Variants in HNRNPU observed in about 807,000 individuals in gnomAD.
HNRNPU encodes HNRNPU antisense RNA 1.
HNRNPU carries 5 observed loss-of-function variants against 94.7 expected under a neutral mutation model. The ratio of observed to expected loss-of-function variants is 0.05; its 90% CI spans 0.03 to 0.11. The LOEUF is 0.11. HNRNPU is among the 10% of genes least tolerant of loss of function. The pLI, the probability that HNRNPU is intolerant of heterozygous loss-of-function variation, is 1.00. For synonymous variants in HNRNPU, 434 were observed against 381.6 expected (o/e 1.14, Z -1.60); for missense variants, 710 against 1,049.2 (o/e 0.68, Z 4.47).
intron 5 of HNRNPU, 43 bp from the exon 6 acceptor site, chr1:244,858,884 G>T: frequency 1.1e-6 from 1 of 919,342 alleles, no homozygotes; most frequent in Non-Finnish European, 1.8e-6. Context: ...GTTTAAAATA[G>T]TCCAAAGACT....
chr1:244,854,443 T>C lies in HNRNPU; in HGVS notation c.*7A>G. 6.4e-7 allele frequency: 1 copy of C among 1,564,822 alleles called. No individual in the cohort carries two copies. Among genetic ancestry groups the C allele is most frequent in the Non-Finnish European group, 8.8e-7 (1 of 1,135,768 alleles). ...GAAATATGTATCAGTTCGTTTTATTTGGGTATTCAATAATATCCTTGGTGA... is the reference window on the plus strand; with the variant it reads ...GAAATATGTATCAGTTCGTTTTATTCGGGTATTCAATAATATCCTTGGTGA... On this transcript the variant is annotated 3_prime_UTR_variant, in exon 14 of 14. Transcript: ENST00000640218.
At position 244,855,262 on chromosome 1, in the gene HNRNPU, CA is replaced by C. The variant is rs1680647524; in HGVS notation, c.2352+161del. On this transcript the variant is annotated intron_variant, in intron 12 of 13. Transcript: ENST00000640218. ...CTTGTTTAGTACACCTGAAAAAACT[CA>C]AAAGTAAGTAGACTCATTTCACCAT... 6.2e-6 allele frequency: 5 copies of C among 800,934 alleles called. No homozygotes were observed. The Admixed American group carries it at 9.5e-5, about 15-fold the overall frequency. The allele number at this position is 800,934 out of a possible 1,614,324, so 49.6% of individuals were successfully genotyped here.
Position 244,855,706 on chromosome 1 carries a change from AATT to A in HNRNPU, c.2168-101_2168-99del, listed in dbSNP as rs1680661236. The A allele has an allele frequency of 2.9e-5, 40 of 1,390,688 alleles. No homozygotes were observed. The South Asian group carries it at 4.5e-4, about 16-fold the overall frequency. 86.1% of individuals were successfully genotyped at this position (1,390,688 alleles called of 1,614,324 possible). ...AGATTGTTCCTTTTTCTCCAAAAAT[AATT>A]GTTTAAAGACAAAAGAAATGTTTAA... On this transcript the variant is annotated intron_variant, in intron 11 of 13. Coordinates refer to ENST00000640218, the MANE Select transcript of HNRNPU (RefSeq NM_031844.3).
chr1:244,857,574 T>G, intron 8 of HNRNPU, 24 bp downstream of exon 8: 1 of 1,608,756 alleles, frequency 6.2e-7, no homozygotes, highest in East Asian at 2.2e-5. Context: ...AACACTGAGA[T>G]CAGGCCCTAA....
chr1:244,862,450 G>A lies in HNRNPU; in HGVS notation c.877+11C>T. 4 of 1,522,332 alleles carry A rather than the reference G, an allele frequency of 2.6e-6. No individual in the cohort carries two copies. The highest frequency in any genetic ancestry group is 1.8e-5 in the Admixed American group (1 of 56,860). The allele number at this position is 1,522,332 out of a possible 1,614,324, so 94.3% of individuals were successfully genotyped here. A position where few individuals can be genotyped will look rare whatever the true frequency, so the allele number is the denominator to read the frequency against. ...CGCATTTCATAATTGGGGAGAAACAGCTTCACTTACAAGTATCAAGACAAA... is the reference window on the plus strand; with the variant it reads ...CGCATTTCATAATTGGGGAGAAACAACTTCACTTACAAGTATCAAGACAAA... On this transcript the variant is annotated intron_variant, in intron 3 of 13. Transcript: ENST00000640218.
Position 244,850,701 on chromosome 1 carries a change from T to A in HNRNPU, c.*3749A>T, listed in dbSNP as rs779373510. Reference sequence around the variant, plus strand: ...GTCCCAATGCATGGGTATTGCAACCTATTGTCAGGCCTTAACATGTATGTG... The same window carrying A: ...GTCCCAATGCATGGGTATTGCAACCAATTGTCAGGCCTTAACATGTATGTG... On this transcript the variant is annotated 3_prime_UTR_variant, in exon 14 of 14. Coordinates refer to ENST00000640218, the MANE Select transcript of HNRNPU (RefSeq NM_031844.3). 1.3e-5 allele frequency: 2 copies of A among 152,176 alleles called. No individual in the cohort carries two copies. Among genetic ancestry groups the A allele is most frequent in the African/African-American group, 2.4e-5 (1 of 41,438 alleles). 9.4% of individuals were successfully genotyped at this position (152,176 alleles called of 1,614,324 possible). A position where few individuals can be genotyped will look rare whatever the true frequency, so the allele number is the denominator to read the frequency against.
chr1:244,857,261 T>TC (rs1680706246), intron 8 of HNRNPU: 5 of 221,596 alleles, frequency 2.3e-5, no homozygotes, highest in South Asian at 1.3e-4. Flanking sequence ...TTTTTTTTTT[T>TC]CTGAGACGGA....
chr1:244,851,617 G>A lies in HNRNPU; in HGVS notation c.*2833C>T, dbSNP rs1275499499. 2 of 152,158 alleles carry A rather than the reference G, an allele frequency of 1.3e-5. No individual in the cohort carries two copies. Among genetic ancestry groups the A allele is most frequent in the Non-Finnish European group, 2.9e-5 (2 of 68,024 alleles). 9.4% of individuals were successfully genotyped at this position (152,158 alleles called of 1,614,324 possible). On this transcript the variant is annotated 3_prime_UTR_variant, in exon 14 of 14. Transcript: ENST00000640218. ...CTAGTGCTCAGAACATCTAGGTTCA[G>A]TCTTTATTTTTAAGACAGTATCTAT...
At position 244,856,644 on chromosome 1, in the gene HNRNPU, A is replaced by C. The variant is rs758459772; in HGVS notation, c.1744-19T>G. On this transcript the variant is annotated intron_variant, in intron 9 of 13. Coordinates refer to ENST00000640218, the MANE Select transcript of HNRNPU (RefSeq NM_031844.3). The stretch of plus-strand genomic sequence containing the variant: ...CATTTGTCTTTAAAAAAAGAAATTT[A>C]TGTTTACAACCCTAAACATTAATTC... 8.1e-6 allele frequency: 13 copies of C among 1,611,764 alleles called. No homozygotes were observed. The highest frequency in any genetic ancestry group is 1.0e-5 in the Non-Finnish European group (12 of 1,179,344).
chr1:244,858,710 A>G lies in HNRNPU; in HGVS notation c.1230+19T>C. ...TACTAACTTTGCCATTTATACATAG[A>G]AAGTTAGCTTTAACTTACAGCAAAA... On this transcript the variant is annotated intron_variant, in intron 6 of 13. Transcript: ENST00000640218. The G allele has an allele frequency of 7.5e-7, 1 of 1,340,730 alleles. No homozygotes were observed. Among genetic ancestry groups the G allele is most frequent in the South Asian group, 1.2e-5 (1 of 83,610 alleles). The allele number at this position is 1,340,730 out of a possible 1,614,324, so 83.1% of individuals were successfully genotyped here. A position where few individuals can be genotyped will look rare whatever the true frequency, so the allele number is the denominator to read the frequency against.
chr1:244,852,912 G>A lies in HNRNPU; in HGVS notation c.*1538C>T, dbSNP rs1267351627. ...TCACATTGGTGAGGGGAAGATTAAA[G>A]TGTTCTGTGCAAACCCAATATAATT... On this transcript the variant is annotated 3_prime_UTR_variant, in exon 14 of 14. Transcript: ENST00000640218. 1.3e-5 allele frequency: 2 copies of A among 152,598 alleles called. No homozygotes were observed. Among genetic ancestry groups the A allele is most frequent in the Non-Finnish European group, 2.9e-5 (2 of 68,008 alleles). 9.5% of individuals were successfully genotyped at this position (152,598 alleles called of 1,614,324 possible).
In HNRNPU at chr1:244,862,493, T is replaced by C; in HGVS notation, c.845A>G (p.His282Arg). ...AAGACAAACCACTGTGTCATCGAAG[T>C]GTTCATCTTCTTCTTCAACAGGTGG... ...PQPPVEEEDE[H>R]FDDTVVCLDT... Residue 282 changes from histidine (H) to arginine (R), a missense_variant, in exon 3 of 14, where the codon CAC becomes CGC. By Grantham distance (29) the His-to-Arg change is conservative. Coordinates refer to ENST00000640218, the MANE Select transcript of HNRNPU (RefSeq NM_031844.3). 1.2e-6 allele frequency: 2 copies of C among 1,613,042 alleles called. No individual in the cohort carries two copies. Among genetic ancestry groups the C allele is most frequent in the South Asian group, 1.1e-5 (1 of 91,036 alleles).
rs965097976 is a variant in HNRNPU at position 244,864,539 on chromosome 1, T to C, written c.-232A>G. 1.0e-5 allele frequency: 6 copies of C among 602,124 alleles called. No individual in the cohort carries two copies. In the Admixed American group the frequency reaches 1.2e-4, roughly 12 times the overall value. 37.3% of individuals were successfully genotyped at this position (602,124 alleles called of 1,614,324 possible). A position where few individuals can be genotyped will look rare whatever the true frequency, so the allele number is the denominator to read the frequency against. On this transcript the variant is annotated 5_prime_UTR_variant, in exon 1 of 14. Coordinates refer to ENST00000640218, the MANE Select transcript of HNRNPU (RefSeq NM_031844.3). Reference sequence around the variant, plus strand: ...GCCTGGCGCGAGCGAGCACGCAACGTCCTCTCGCAGGAGCGGCGCCGCGCA... The same window carrying C: ...GCCTGGCGCGAGCGAGCACGCAACGCCCTCTCGCAGGAGCGGCGCCGCGCA...
chr1:244,862,228 C>A, intron 3 of HNRNPU: 2 of 420,578 alleles, frequency 4.8e-6, no homozygotes, highest in Non-Finnish European at 8.4e-6. Flanking sequence ...AGAATGAGAA[C>A]TTTCAAGTCA....
intron 1 of HNRNPU, among the ~76,000 whole-genome samples, chr1:244,863,409 C>CAG (rs1466642368): frequency 6.8e-6 from 1 of 147,298 alleles, no homozygotes; most frequent in Non-Finnish European, 1.5e-5. Flanking sequence ...CACACACACA[C>CAG]ACACACACAC....
intron 3 of HNRNPU, chr1:244,861,373 T>C (rs1680823144): frequency 6.6e-6 from 1 of 152,302 alleles, no homozygotes; most frequent in Non-Finnish European, 1.5e-5. Flanking sequence ...CCTGTGTGAG[T>C]CACCACTTCA....
intron 8 of HNRNPU, 72 bp downstream of exon 8, chr1:244,857,526 C>G: frequency 6.8e-7 from 1 of 1,474,948 alleles, no homozygotes; most frequent in Non-Finnish European, 9.3e-7. Flanking sequence ...AGATTACAGG[C>G]GTGAACCACC....
intron 7 of HNRNPU, 92 bp downstream of exon 7, chr1:244,857,919 A>G: frequency 7.3e-7 from 1 of 1,372,710 alleles, no homozygotes; most frequent in Non-Finnish European, 1.0e-6. Flanking sequence ...AAAGTAAATG[A>G]AACAGACTAA....
At position 244,863,892 on chromosome 1, in the gene HNRNPU, T is replaced by A. The variant is rs749416136; in HGVS notation, c.416A>T (p.Gln139Leu). 1 of 1,613,740 alleles carries A rather than the reference T, an allele frequency of 6.2e-7. No individual in the cohort carries two copies. The highest frequency in any genetic ancestry group is 8.5e-7 in the Non-Finnish European group (1 of 1,179,892). Residue 139 changes from glutamine (Q) to leucine (L), a missense_variant, in exon 1 of 14, where the codon CAG becomes CTG. Physicochemically the swap from Gln to Leu is moderately radical, Grantham distance 113. Transcript: ENST00000640218. ...GTCCCCGAGCTCATCTTCCCCTTCC[T>A]GGAAACCCTGATCGTCGCCGTTCTC... ...EDENGDDQGF[Q>L]EGEDELGDEE...
Sources: allele counts gnomAD v4.1 joint callset (sites outside exome capture counted in the v4.1 genomes callset), GRCh38; gene constraint gnomAD v4.1.1; transcripts MANE v1.5; gene names NCBI Gene and HGNC (gene_info 2026-07-23, HGNC 2026-07-21).